The following SMAD2 variants were observed in gnomAD, a reference collection of about 807,000 sequenced individuals.
The protein encoded by SMAD2 is MAD homolog 2.
In SMAD2, 8 loss-of-function variants were observed where a neutral mutation model predicts 64.4. The ratio of observed to expected loss-of-function variants is 0.12; its 90% CI spans 0.07 to 0.22. The LOEUF is 0.22. SMAD2 is among the 10% of genes least tolerant of loss of function. The pLI is 1.00. For missense variants in SMAD2, 289 were observed against 561.2 expected (o/e 0.51, Z 4.90); for synonymous variants, 203 against 195.8 (o/e 1.04, Z -0.31).
rs1461843973 is a variant in SMAD2 at position 47,811,857 on chromosome 18, T to C, written c.*29970A>G. On this transcript the variant is annotated 3_prime_UTR_variant, in exon 11 of 11. Coordinates refer to ENST00000262160, the MANE Select transcript of SMAD2 (RefSeq NM_005901.6). ...TGTCAGTCGATCAAGAAGCATTTAT[T>C]GCATGCCTACCATATATAAAGCACT... The C allele has an allele frequency of 1.3e-5, 2 of 152,214 alleles. No individual in the cohort carries two copies. The highest frequency in any genetic ancestry group is 4.8e-5 in the African/African-American group (2 of 41,456). The allele number at this position is 152,214 out of a possible 1,614,324, so 9.4% of individuals were successfully genotyped here. A position where few individuals can be genotyped will look rare whatever the true frequency, so the allele number is the denominator to read the frequency against.
intron 6 of SMAD2, among the ~76,000 whole-genome samples, chr18:47,853,024 G>A (rs2144324068): frequency 6.6e-6 from 1 of 152,220 alleles, no homozygotes; most frequent in South Asian, 2.1e-4. Context: ...TATACCAAGA[G>A]CATAATTGTA....
At chr18:47,855,344 T>C (rs958211987) in intron 6 of SMAD2, among the ~76,000 whole-genome samples, 1 of 152,208 alleles carries the variant, frequency 6.6e-6, no homozygotes, top group Non-Finnish European at 1.5e-5. Flanking sequence ...TGTGTAGACC[T>C]AAGTTTTCAA....
At chr18:47,896,223 AG>A (rs1237534287) in intron 2 of SMAD2, among the ~76,000 whole-genome samples, 2 of 152,268 alleles carry the variant, frequency 1.3e-5, no homozygotes, top group Admixed American at 6.5e-5. Flanking sequence ...TGTTAGTGAT[AG>A]AAAAAGCTTC....
At chr18:47,864,236 A>C (rs545426910) in intron 6 of SMAD2, among the ~76,000 whole-genome samples, 1 of 152,184 alleles carries the variant, frequency 6.6e-6, no homozygotes, top group Admixed American at 6.5e-5. Context: ...ATGTATGATT[A>C]GCTACAGCAG....
chr18:47,837,342 C>G lies in SMAD2; in HGVS notation c.*4485G>C, dbSNP rs965734486. On this transcript the variant is annotated 3_prime_UTR_variant, in exon 11 of 11. Coordinates refer to ENST00000262160, the MANE Select transcript of SMAD2 (RefSeq NM_005901.6). Reference sequence around the variant, plus strand: ...CTTTGGGAAGCCGAGGTGGACAGATCACGAGGTCAGGAGATCGAGACCATC... The same window carrying G: ...CTTTGGGAAGCCGAGGTGGACAGATGACGAGGTCAGGAGATCGAGACCATC... 3 of 190,228 alleles carry G rather than the reference C, an allele frequency of 1.6e-5. No individual in the cohort carries two copies. Among genetic ancestry groups the G allele is most frequent in the Non-Finnish European group, 3.3e-5 (3 of 90,902 alleles). 11.8% of individuals were successfully genotyped at this position (190,228 alleles called of 1,614,324 possible). A position where few individuals can be genotyped will look rare whatever the true frequency, so the allele number is the denominator to read the frequency against.
intron 9 of SMAD2, 39 bp from the exon 10 acceptor site, chr18:47,845,523 A>G: frequency 6.3e-7 from 1 of 1,599,622 alleles, no homozygotes; most frequent in Non-Finnish European, 8.6e-7. Flanking sequence ...TCAAAAGAGT[A>G]TCATTATTAA....
At chr18:47,926,337 A>C (rs374585723) in intron 1 of SMAD2, among the ~76,000 whole-genome samples, 1 of 152,230 alleles carries the variant, frequency 6.6e-6, no homozygotes, top group East Asian at 1.9e-4. Context: ...GATTTAGGCT[A>C]ATTGATGAAC....
intron 1 of SMAD2, among the ~76,000 whole-genome samples, chr18:47,903,484 T>C (rs1020846699): frequency 6.6e-5 from 10 of 151,988 alleles, no homozygotes; most frequent in African/African-American, 2.4e-4. Flanking sequence ...AGATCCAAAA[T>C]CACACTTGGA....
chr18:47,867,363 A>G (rs2031638305), intron 5 of SMAD2: 1 of 152,138 alleles, frequency 6.6e-6, no homozygotes, highest in Non-Finnish European at 1.5e-5. Flanking sequence ...CCTTACATTT[A>G]AAAAATTATC....
At position 47,827,732 on chromosome 18, in the gene SMAD2, TG is replaced by T; in HGVS notation, c.*14094del. On this transcript the variant is annotated 3_prime_UTR_variant, in exon 11 of 11. Transcript: ENST00000262160. ...CCTGACCGCGCATGATCTGCCCGCC[TG>T]GGCCTCCCGAGGTGCTGGGATTGCA... 5.9e-6 allele frequency: 1 copy of T among 169,634 alleles called. No homozygotes were observed. Among genetic ancestry groups the T allele is most frequent in the South Asian group, 1.5e-4 (1 of 6,582 alleles). 10.5% of individuals were successfully genotyped at this position (169,634 alleles called of 1,614,324 possible).
At chr18:47,854,234 G>A (rs1296281848) in intron 6 of SMAD2, among the ~76,000 whole-genome samples, 3 of 152,168 alleles carry the variant, frequency 2.0e-5, no homozygotes, top group African/African-American at 7.2e-5. Flanking sequence ...TGAATTAGCA[G>A]TGTCTACTTA....
intron 5 of SMAD2, chr18:47,866,785 A>G (rs1223026398): frequency 6.6e-6 from 1 of 152,178 alleles, no homozygotes; most frequent in Non-Finnish European, 1.5e-5. Flanking sequence ...ATAAAGCCCC[A>G]CTGTCCAGAA....
rs143058641 is a variant in SMAD2, at chr18:47,896,683, G to C, written c.74C>G (p.Ser25Cys). ...LLGWKKSAGGSGGAGGGEQNG... is the reference protein window; with the variant it reads ...LLGWKKSAGGCGGAGGGEQNG... ...CTGCTCTCCTCCGCCTGCTCCTCCA[G>C]ACCCACCAGCTGACTTCTTCCATCC... Residue 25 changes from serine (S) to cysteine (C), a missense_variant, in exon 2 of 11, where the codon TCT becomes TGT. Physicochemically the swap from Ser to Cys is moderately radical, Grantham distance 112 (BLOSUM62 -1). Transcript: ENST00000262160. The C allele has an allele frequency of 5.0e-6, 8 of 1,613,896 alleles. No individual in the cohort carries two copies. Among genetic ancestry groups the C allele is most frequent in the Non-Finnish European group, 6.8e-6 (8 of 1,180,014 alleles).
chr18:47,813,045 G>C lies in SMAD2; in HGVS notation c.*28782C>G, dbSNP rs1202151067. 1 of 152,074 alleles carries C rather than the reference G, an allele frequency of 6.6e-6. No homozygotes were observed. Among genetic ancestry groups the C allele is most frequent in the East Asian group, 2.0e-4 (1 of 5,118 alleles). The allele number at this position is 152,074 out of a possible 1,614,324, so 9.4% of individuals were successfully genotyped here. A position where few individuals can be genotyped will look rare whatever the true frequency, so the allele number is the denominator to read the frequency against. On this transcript the variant is annotated 3_prime_UTR_variant, in exon 11 of 11. Transcript: ENST00000262160. Reference sequence around the variant, plus strand: ...AGCCTGGCCAACATAGTGAAACCCTGTCTCTACCAAAAATACAAAAATTAG... The same window carrying C: ...AGCCTGGCCAACATAGTGAAACCCTCTCTCTACCAAAAATACAAAAATTAG...
In SMAD2 at chr18:47,838,608, C is replaced by G. The variant is rs1158902271; in HGVS notation, c.*3219G>C. The stretch of plus-strand genomic sequence containing the variant: ...TAAAAAGAGCACAATCAGCGGTATT[C>G]CAGAAGGTAGGCCTAAATCCAGTTA... On this transcript the variant is annotated 3_prime_UTR_variant, in exon 11 of 11. Transcript: ENST00000262160. The G allele has an allele frequency of 1.3e-5, 3 of 232,888 alleles. No homozygotes were observed. The Admixed American group carries it at 1.7e-4, about 13-fold the overall frequency. 14.4% of individuals were successfully genotyped at this position (232,888 alleles called of 1,614,324 possible).
intron 1 of SMAD2, among the ~76,000 whole-genome samples, chr18:47,909,381 G>A (rs1328159158): frequency 6.6e-6 from 1 of 152,138 alleles, no homozygotes; most frequent in Non-Finnish European, 1.5e-5. Context: ...AACAGGAAAG[G>A]AGCTTCTGTC....
intron 6 of SMAD2, among the ~76,000 whole-genome samples, chr18:47,862,472 G>A (rs2031258512): frequency 1.3e-5 from 2 of 152,144 alleles, no homozygotes; most frequent in South Asian, 4.1e-4. Flanking sequence ...ACAATCCTAG[G>A]AATTGCTCAG....
At chr18:47,927,315 C>T (rs1267353382) in intron 1 of SMAD2, among the ~76,000 whole-genome samples, 1 of 85,916 alleles carries the variant, frequency 1.2e-5, no homozygotes, top group Middle Eastern at 4.2e-3. Context: ...CCCAGTGACA[C>T]TGAGTAACAC....
chr18:47,865,973 T>G (rs948027333), intron 5 of SMAD2, among the ~76,000 whole-genome samples: 3 of 152,092 alleles, frequency 2.0e-5, no homozygotes, highest in Non-Finnish European at 2.9e-5. Flanking sequence ...CTGAACAGTT[T>G]TGAGCGATTC....
Sources: allele counts gnomAD v4.1 joint callset (sites outside exome capture counted in the v4.1 genomes callset), GRCh38; gene constraint gnomAD v4.1.1; transcripts MANE v1.5; gene names NCBI Gene and HGNC (gene_info 2026-07-23, HGNC 2026-07-21).